Variants in ENDOD1 observed in about 807,000 individuals in gnomAD.
ENDOD1 encodes the protein endonuclease domain-containing 1 protein.
ENDOD1 carries 9 observed loss-of-function variants against 6.5 expected under a neutral mutation model. The ratio of observed to expected loss-of-function variants is 1.39; its 90% CI spans 0.84 to 2.43. The LOEUF is 2.43. Ranked by LOEUF, ENDOD1 falls within the 30% of genes most tolerant of loss-of-function variation. The pLI, the probability that ENDOD1 is intolerant of heterozygous loss-of-function variation, is 0.00. For missense variants in ENDOD1, 648 were observed against 635.5 expected (o/e 1.02, Z -0.21); for synonymous variants, 255 against 255.2 (o/e 1.00, Z 0.01).
chr11:95,101,974 A>G (rs896119129), intron 1 of ENDOD1, among the ~76,000 whole-genome samples: 2 of 152,020 alleles, frequency 1.3e-5, no homozygotes, highest in African/African-American at 4.8e-5. Context: ...GTCCAGCTAC[A>G]TTGCATATTT....
At chr11:95,117,344 G>A (rs1182722890) in intron 1 of ENDOD1, among the ~76,000 whole-genome samples, 1 of 152,228 alleles carries the variant, frequency 6.6e-6, no homozygotes, top group Non-Finnish European at 1.5e-5. Context: ...GGGAGGCAGA[G>A]GTTGCCACGA....
At position 95,090,146 on chromosome 11, in the gene ENDOD1, C is replaced by A. The variant is rs1555109691; in HGVS notation, c.219C>A (p.Asp73Glu). 1 of 1,515,824 alleles carries A rather than the reference C, an allele frequency of 6.6e-7. No individual in the cohort carries two copies. The highest frequency in any genetic ancestry group is 8.9e-7 in the Non-Finnish European group (1 of 1,129,230). The allele number at this position is 1,515,824 out of a possible 1,614,324, so 93.9% of individuals were successfully genotyped here. The change falls in exon 1 of 2, where the codon GAC becomes GAA. Residue 73 changes from aspartate (D) to glutamate (E), a missense_variant. Transcript: ENST00000278505. Reference sequence around the variant, plus strand: ...TCGCCACCCTCTACAGCACCCGGGACCGCATCCCCGTGTACTCCGCGTTCC... The same window carrying A: ...TCGCCACCCTCTACAGCACCCGGGAACGCATCCCCGTGTACTCCGCGTTCC... ...ERFATLYSTR[D>E]RIPVYSAFRA...
chr11:95,118,227 A>T (rs1331534255), intron 1 of ENDOD1, among the ~76,000 whole-genome samples: 1 of 152,210 alleles, frequency 6.6e-6, no homozygotes, highest in Non-Finnish European at 1.5e-5. Context: ...ATATAATAAT[A>T]TTCTGTGCAG....
intron 1 of ENDOD1, among the ~76,000 whole-genome samples, chr11:95,098,409 C>T (rs1859006849): frequency 6.6e-6 from 1 of 152,170 alleles, no homozygotes; most frequent in Non-Finnish European, 1.5e-5. Flanking sequence ...GGACATGTCT[C>T]CCTCCTTGGT....
intron 1 of ENDOD1, among the ~76,000 whole-genome samples, chr11:95,114,672 A>G (rs941900502): frequency 6.6e-6 from 1 of 152,330 alleles, no homozygotes; most frequent in Middle Eastern, 3.4e-3. Flanking sequence ...ACTTTTGTAT[A>G]TAATAACAGA....
Position 95,128,338 on chromosome 11 carries a change from A to C in ENDOD1, c.301-39A>C, listed in dbSNP as rs767197934. The C allele has an allele frequency of 1.9e-6, 3 of 1,584,624 alleles. No homozygotes were observed. The South Asian group carries it at 3.6e-5, about 19-fold the overall frequency. ...GATTCTAGTGCTGCCTCTGTGCTGT[A>C]AGCAGGGATGCATCTCACCACTTGT... On this transcript the variant is annotated intron_variant, in intron 1 of 1. Coordinates refer to ENST00000278505, the MANE Select transcript of ENDOD1 (RefSeq NM_015036.3).
chr11:95,127,521 A>G (rs765611168), intron 1 of ENDOD1, among the ~76,000 whole-genome samples: 1 of 152,178 alleles, frequency 6.6e-6, no homozygotes, highest in Non-Finnish European at 1.5e-5. Flanking sequence ...ATTTTCCCCC[A>G]TGTAATTTAA....
intron 1 of ENDOD1, among the ~76,000 whole-genome samples, chr11:95,120,874 G>A (rs938157973): frequency 6.6e-6 from 1 of 152,160 alleles, no homozygotes; most frequent in Non-Finnish European, 1.5e-5. Flanking sequence ...CTCTGGCTAG[G>A]GCTGGTTTAA....
rs1167434162 is a variant in ENDOD1, at chr11:95,108,531, ACCC to A, written c.300+18305_300+18307del. 2.8e-4 allele frequency among the ~76,000 whole-genome samples: 42 copies of A among 150,720 alleles called. 2 individuals are homozygous for A. The highest frequency in any genetic ancestry group is 9.5e-4 in the African/African-American group (39 of 41,060). On this transcript the variant is annotated intron_variant, in intron 1 of 1. Transcript: ENST00000278505. Reference sequence around the variant, plus strand: ...CACACACACACACACACACACAGACACCCAAAAAAAGAAAAAAGAAAAATGAGC... The same window carrying A: ...CACACACACACACACACACACAGACAAAAAAAAGAAAAAAGAAAAATGAGC...
At chr11:95,094,558 T>C (rs991924295) in intron 1 of ENDOD1, among the ~76,000 whole-genome samples, 2 of 152,248 alleles carry the variant, frequency 1.3e-5, no homozygotes, top group Non-Finnish European at 2.9e-5. Flanking sequence ...AACATTTTCC[T>C]GGAGGGCACA....
At chr11:95,117,313 G>A (rs1469774712) in intron 1 of ENDOD1, among the ~76,000 whole-genome samples, 3 of 152,236 alleles carry the variant, frequency 2.0e-5, no homozygotes, top group African/African-American at 7.2e-5. Flanking sequence ...GGAGGGTGAG[G>A]CAGGAGAATT....
chr11:95,099,064 C>T (rs1210779479), intron 1 of ENDOD1, among the ~76,000 whole-genome samples: 1 of 152,142 alleles, frequency 6.6e-6, no homozygotes, highest in Non-Finnish European at 1.5e-5. Context: ...ACCTTTGTGG[C>T]TATAGGAAGG....
At position 95,129,208 on chromosome 11, in the gene ENDOD1, C is replaced by T. The variant is rs781157685; in HGVS notation, c.1132C>T (p.Arg378Cys). Residue 378 changes from arginine to cysteine, a missense_variant, in exon 2 of 2, where the codon CGC (arginine) becomes TGC (cysteine). By Grantham distance (180) the Arg-to-Cys change is radical. Coordinates refer to ENST00000278505, the MANE Select transcript of ENDOD1 (RefSeq NM_015036.3). ...VINGIESCLY[R>C]LGSATISYFM... ...TAATGGCATAGAAAGTTGCCTTTAC[C>T]GCCTGGGCTCAGCCACCATCTCATA... 40 of 1,614,030 alleles carry T rather than the reference C, an allele frequency of 2.5e-5. No homozygotes were observed. Among genetic ancestry groups the T allele is most frequent in the Admixed American group, 5.0e-5 (3 of 60,004 alleles).
intron 1 of ENDOD1, among the ~76,000 whole-genome samples, chr11:95,124,149 A>G (rs1216296248): frequency 6.6e-6 from 1 of 152,166 alleles, no homozygotes; most frequent in Non-Finnish European, 1.5e-5. Context: ...CAAGAGAGAG[A>G]AAAAAAGGAG....
In ENDOD1 at chr11:95,100,373, G is replaced by T. The variant is rs782616650; in HGVS notation, c.300+10146G>T. ...TCAGATAAGGACACAGCTCCTTATCGTGCTCTACACAGCTCCTTATCCTGC... is the reference window on the plus strand; with the variant it reads ...TCAGATAAGGACACAGCTCCTTATCTTGCTCTACACAGCTCCTTATCCTGC... On this transcript the variant is annotated intron_variant, in intron 1 of 1. Coordinates refer to ENST00000278505, the MANE Select transcript of ENDOD1 (RefSeq NM_015036.3). Among the ~76,000 whole-genome samples, 4 of 152,188 alleles carry T rather than the reference G, an allele frequency of 2.6e-5. No individual in the cohort carries two copies. The East Asian group carries it at 5.8e-4, about 22-fold the overall frequency.
chr11:95,127,265 T>C (rs996582122), intron 1 of ENDOD1, among the ~76,000 whole-genome samples: 4 of 152,078 alleles, frequency 2.6e-5, no homozygotes, highest in African/African-American at 9.7e-5. Context: ...CACTTTCCTT[T>C]TGTCCTTTCA....
chr11:95,095,349 A>T (rs1313043994), intron 1 of ENDOD1, among the ~76,000 whole-genome samples: 1 of 152,290 alleles, frequency 6.6e-6, no homozygotes, highest in Non-Finnish European at 1.5e-5. Flanking sequence ...GTTGTCAGAA[A>T]ACAGTGAGCA....
chr11:95,120,357 C>T (rs1859251431), intron 1 of ENDOD1, among the ~76,000 whole-genome samples: 1 of 151,914 alleles, frequency 6.6e-6, no homozygotes, highest in Non-Finnish European at 1.5e-5. Context: ...TATTAAGGGC[C>T]CAAAAGGTCT....
chr11:95,110,575 G>GTGTA (rs782328690), intron 1 of ENDOD1, among the ~76,000 whole-genome samples: 2,355 of 128,842 alleles, frequency 0.018, 38 homozygotes, highest in Middle Eastern at 0.031. Context: ...TTTCAAGTCC[G>GTGTA]TGTATGTATG....
Sources: allele counts gnomAD v4.1 joint callset (sites outside exome capture counted in the v4.1 genomes callset), GRCh38; gene constraint gnomAD v4.1.1; transcripts MANE v1.5; gene names NCBI Gene and HGNC (gene_info 2026-07-23, HGNC 2026-07-21).